TTC21B: variants seen among roughly 807,000 people sequenced by gnomAD.
TTC21B encodes the protein tetratricopeptide repeat protein 21B.
A neutral mutation model predicts 175.1 loss-of-function variants in TTC21B; 127 were observed. The ratio of observed to expected loss-of-function variants is 0.73; its 90% confidence interval spans 0.63 to 0.84. The LOEUF is 0.84. Among genes scored for constraint, TTC21B ranks in the 40% least tolerant of loss-of-function variants. The pLI, the probability that TTC21B is intolerant of heterozygous loss-of-function variation, is 0.00. For missense variants in TTC21B, 1,561 were observed against 1,558.3 expected (o/e 1.00, Z -0.03); for synonymous variants, 524 against 524.5 (o/e 1.00, Z 0.01).
At chr2:165,879,442 C>G (rs985682590) in intron 27 of TTC21B, among the ~76,000 whole-genome samples, 5 of 152,118 alleles carry the variant, frequency 3.3e-5, no homozygotes, top group African/African-American at 1.2e-4. Flanking sequence ...AGAACAGACT[C>G]CAGGAAACTA....
chr2:165,919,213 C>A, intron 13 of TTC21B, 63 bp downstream of exon 13: 1 of 1,581,226 alleles, frequency 6.3e-7, no homozygotes, highest in South Asian at 1.1e-5. Flanking sequence ...ACACAAAATA[C>A]TTGAATATGT....
At chr2:165,929,418 G>T in intron 10 of TTC21B, 83 bp from the exon 11 acceptor site, 1 of 1,131,632 alleles carries the variant, frequency 8.8e-7, no homozygotes, top group Non-Finnish European at 1.3e-6. Flanking sequence ...TGCATATAAT[G>T]TGCTACTGAT....
At chr2:165,929,061 A>G (rs1172472234) in intron 11 of TTC21B, 74 bp downstream of exon 11, 6 of 1,397,994 alleles carry the variant, frequency 4.3e-6, no homozygotes, top group Non-Finnish European at 6.1e-6. Context: ...CTAATGCATC[A>G]AAGAAAACTT....
At chr2:165,890,710 G>T in intron 23 of TTC21B, 70 bp from the exon 24 acceptor site, 2 of 1,556,642 alleles carry the variant, frequency 1.3e-6, no homozygotes, top group Non-Finnish European at 1.8e-6. Context: ...TTTATAATCT[G>T]TCTGGTAAAT....
intron 1 of TTC21B, among the ~76,000 whole-genome samples, chr2:165,952,669 TA>T (rs1170822001): frequency 1.3e-5 from 2 of 152,182 alleles, no homozygotes; most frequent in Non-Finnish European, 2.9e-5. Flanking sequence ...TGTAAGGATA[TA>T]GGGGGATAGC....
intron 6 of TTC21B, among the ~76,000 whole-genome samples, chr2:165,940,291 G>GGCAGCAAT (rs1244970962): frequency 6.6e-6 from 1 of 152,078 alleles, no homozygotes; most frequent in Non-Finnish European, 1.5e-5. Context: ...AGTCTGTTTT[G>GGCAGCAAT]CACATGGCAG....
At chr2:165,949,780 C>CT in intron 1 of TTC21B, 56 bp from the exon 2 acceptor site, 1 of 1,528,306 alleles carries the variant, frequency 6.5e-7, no homozygotes, top group Middle Eastern at 1.7e-4. Context: ...CTGAAATACT[C>CT]TAAGAAGCAG....
chr2:165,890,960 A>C lies in TTC21B; in HGVS notation c.2979T>G (p.Ile993Met), dbSNP rs767964860. ...PDNYMTLSRL[I>M]DLLRRCGKLE... Reference sequence around the variant, plus strand: ...GTTTTCCACATCTTCTTAGGAGATCAATCAAACGAGATAATGTCATATAAT... The same window carrying C: ...GTTTTCCACATCTTCTTAGGAGATCCATCAAACGAGATAATGTCATATAAT... The change falls in exon 23 of 29, where the codon ATT (isoleucine) becomes ATG (methionine). Residue 993 changes from isoleucine (I) to methionine (M), a missense_variant. Transcript: ENST00000243344. 4 of 1,612,848 alleles carry C rather than the reference A, an allele frequency of 2.5e-6. No individual in the cohort carries two copies. The highest frequency in any genetic ancestry group is 3.4e-6 in the Non-Finnish European group (4 of 1,179,134).
chr2:165,914,586 T>C (rs1309726764), intron 15 of TTC21B, among the ~76,000 whole-genome samples: 1 of 151,458 alleles, frequency 6.6e-6, no homozygotes, highest in East Asian at 1.9e-4. Flanking sequence ...GCTAAAAACG[T>C]TAATTTTCTC....
chr2:165,876,055 T>G (rs1017436707), intron 28 of TTC21B, 110 bp downstream of exon 28: 2 of 713,730 alleles, frequency 2.8e-6, no homozygotes, highest in African/African-American at 3.5e-5. Flanking sequence ...GATAAATCAT[T>G]TAACTAAAAT....
intron 1 of TTC21B, 73 bp downstream of exon 1, chr2:165,953,611 GC>G: frequency 6.5e-7 from 1 of 1,536,578 alleles, no homozygotes. Context: ...CTCCCTCCGC[GC>G]CCCCGGGCCA....
At chr2:165,878,303 C>A (rs550850947) in intron 27 of TTC21B, among the ~76,000 whole-genome samples, 1 of 152,214 alleles carries the variant, frequency 6.6e-6, no homozygotes, top group South Asian at 2.1e-4. Context: ...ACTGCAGCTG[C>A]ACTACACCTG....
intron 22 of TTC21B, among the ~76,000 whole-genome samples, chr2:165,891,727 A>G (rs1399589752): frequency 6.6e-6 from 1 of 152,082 alleles, no homozygotes; most frequent in African/African-American, 2.4e-5. Context: ...AATTTAATAA[A>G]TCTTTTTTAG....
chr2:165,905,240 G>A (rs967266240), intron 19 of TTC21B, among the ~76,000 whole-genome samples: 1 of 152,066 alleles, frequency 6.6e-6, no homozygotes, highest in African/African-American at 2.4e-5. Context: ...TAACACAATA[G>A]AGGGGAAAGT....
At chr2:165,915,611 C>T (rs562923874) in intron 14 of TTC21B, among the ~76,000 whole-genome samples, 172 bp from the exon 15 acceptor site, 6 of 152,242 alleles carry the variant, frequency 3.9e-5, no homozygotes, top group African/African-American at 1.4e-4. Flanking sequence ...AAACCCATGA[C>T]CAAAATCAGA....
At chr2:165,924,805 C>T in intron 11 of TTC21B, 127 bp from the exon 12 acceptor site, 1 of 1,064,640 alleles carries the variant, frequency 9.4e-7, no homozygotes. Context: ...TTTGATTTAA[C>T]TTATTTTGTA....
chr2:165,880,877 T>A, intron 26 of TTC21B, 78 bp from the exon 27 acceptor site: 1 of 1,421,216 alleles, frequency 7.0e-7, no homozygotes, highest in Non-Finnish European at 9.7e-7. Context: ...ACTATAGAGG[T>A]CAATCATATC....
In TTC21B at chr2:165,911,483, C is replaced by A. The variant is rs1320115243; in HGVS notation, c.2323-18G>T. The A allele has an allele frequency of 6.2e-7, 1 of 1,613,312 alleles. No individual in the cohort carries two copies. Among genetic ancestry groups the A allele is most frequent in the Admixed American group, 1.7e-5 (1 of 59,990 alleles). On this transcript the variant is annotated intron_variant, in intron 17 of 28. Transcript: ENST00000243344. ...GTGATTGCCTAAACAAAATTCATTCCATTTAAGGGAACAAGGCAATGAGAA... is the reference window on the plus strand; with the variant it reads ...GTGATTGCCTAAACAAAATTCATTCAATTTAAGGGAACAAGGCAATGAGAA...
At chr2:165,880,994 T>A (rs574362250) in intron 26 of TTC21B, among the ~76,000 whole-genome samples, 195 bp from the exon 27 acceptor site, 13 of 152,276 alleles carry the variant, frequency 8.5e-5, no homozygotes, top group African/African-American at 3.1e-4. Flanking sequence ...CCATCACATA[T>A]CTGCAGAATC....
Sources: allele counts gnomAD v4.1 joint callset (sites outside exome capture counted in the v4.1 genomes callset), GRCh38; gene constraint gnomAD v4.1.1; transcripts MANE v1.5; gene names NCBI Gene and HGNC (gene_info 2026-07-23, HGNC 2026-07-21).